The following FHIT variants were observed in gnomAD, a reference collection of about 807,000 sequenced individuals.
The protein encoded by FHIT is bis(5'-adenosyl)-triphosphatase.
A neutral mutation model predicts 17.9 loss-of-function variants in FHIT; 19 were observed. The observed-to-expected ratio is 1.06, with a 90% confidence interval of 0.74 to 1.56. FHIT has a LOEUF of 1.56. FHIT is among the 40% of genes most tolerant of loss of function. The probability of loss-of-function intolerance (pLI) is 0.00; values close to 1 mark genes in which losing one functional copy is unlikely to be tolerated. For synonymous variants in FHIT, 81 were observed against 69.7 expected (o/e 1.16, Z -0.81); for missense variants, 248 against 189.2 (o/e 1.31, Z -1.82).
At chr3:59,972,857 G>A (rs1432573635) in intron 7 of FHIT, among the ~76,000 whole-genome samples, 1 of 152,024 alleles carries the variant, frequency 6.6e-6, no homozygotes, top group African/African-American at 2.4e-5. Flanking sequence ...GTATTTGCTG[G>A]CCCCTACCTA....
chr3:60,021,989 C>T (rs1407597609), intron 5 of FHIT, among the ~76,000 whole-genome samples: 1 of 152,202 alleles, frequency 6.6e-6, no homozygotes, highest in Non-Finnish European at 1.5e-5. Context: ...ATTTACTGTA[C>T]TACTATGCAT....
intron 4 of FHIT, among the ~76,000 whole-genome samples, chr3:60,639,046 A>G (rs2107787775): frequency 6.7e-6 from 1 of 148,572 alleles, no homozygotes; most frequent in South Asian, 2.2e-4. Context: ...TCAGAGCACA[A>G]CCAAGGCATG....
At chr3:59,977,963 T>C (rs908043246) in intron 7 of FHIT, among the ~76,000 whole-genome samples, 7 of 152,182 alleles carry the variant, frequency 4.6e-5, no homozygotes, top group African/African-American at 1.4e-4. Flanking sequence ...CATGAAGTTG[T>C]TTGTGAAGAC....
In FHIT at chr3:59,941,043, G is replaced by A. The variant is rs566545511; in HGVS notation, c.280-18629C>T. On this transcript the variant is annotated intron_variant, in intron 7 of 9. Transcript: ENST00000492590. ...TGTGACTATGACTAGCACTTAGTAG[G>A]CACCCAATAGGTATGTGTTAAATGA... Among the ~76,000 whole-genome samples, 7 of 152,080 alleles carry A rather than the reference G, an allele frequency of 4.6e-5. No individual in the cohort carries two copies. The South Asian group carries it at 1.0e-3, about 23-fold the overall frequency.
chr3:60,880,239 G>GA (rs1486657122), intron 3 of FHIT, among the ~76,000 whole-genome samples: 1 of 152,024 alleles, frequency 6.6e-6, no homozygotes, highest in Non-Finnish European at 1.5e-5. Flanking sequence ...AGTACTGAAG[G>GA]AAAAAAACTG....
At chr3:60,175,335 C>A (rs754947450) in intron 5 of FHIT, among the ~76,000 whole-genome samples, 3 of 152,104 alleles carry the variant, frequency 2.0e-5, no homozygotes, top group Non-Finnish European at 2.9e-5. Flanking sequence ...ATGTGGAATG[C>A]TGAATAGGGT....
chr3:60,113,927 G>A (rs1193393391), intron 5 of FHIT, among the ~76,000 whole-genome samples: 7 of 137,248 alleles, frequency 5.1e-5, no homozygotes, highest in African/African-American at 8.3e-5. Context: ...GCGTGAACCC[G>A]GGAGGCGGAG....
intron 7 of FHIT, among the ~76,000 whole-genome samples, chr3:59,998,958 G>A (rs867471636): frequency 1.6e-4 from 25 of 151,968 alleles, no homozygotes; most frequent in African/African-American, 4.8e-4. Context: ...GCCTCCCTCC[G>A]GCACTTTATT....
chr3:60,650,392 C>T (rs2856077), intron 4 of FHIT, among the ~76,000 whole-genome samples: 13,352 of 152,226 alleles, frequency 0.088, 801 homozygotes, highest in Non-Finnish European at 0.14. Context: ...AAAGCCCAGA[C>T]TAGTCATCAA....
chr3:60,160,992 C>T (rs1042567339), intron 5 of FHIT, among the ~76,000 whole-genome samples: 1 of 152,072 alleles, frequency 6.6e-6, no homozygotes, highest in Non-Finnish European at 1.5e-5. Context: ...TATTCTTACA[C>T]AAGAAACAGT....
intron 4 of FHIT, among the ~76,000 whole-genome samples, chr3:60,553,654 C>G (rs2036646420): frequency 4.0e-5 from 6 of 150,890 alleles, no homozygotes. Context: ...GAGTATTAAA[C>G]ATGGTATCAT....
At chr3:60,470,161 G>A (rs927321821) in intron 5 of FHIT, among the ~76,000 whole-genome samples, 11 of 151,816 alleles carry the variant, frequency 7.2e-5, no homozygotes, top group Non-Finnish European at 1.5e-4. Context: ...GGTCAGAAAT[G>A]AAGCCAGCCT....
At chr3:60,184,765 C>G (rs969826967) in intron 5 of FHIT, among the ~76,000 whole-genome samples, 1 of 152,132 alleles carries the variant, frequency 6.6e-6, no homozygotes, top group Non-Finnish European at 1.5e-5. Context: ...ATCCGGAATT[C>G]TGCTAAACAG....
intron 7 of FHIT, among the ~76,000 whole-genome samples, chr3:59,963,897 TA>T (rs1351172423): frequency 1.3e-5 from 2 of 152,196 alleles, no homozygotes; most frequent in Non-Finnish European, 2.9e-5. Context: ...TGTAAACTAA[TA>T]AACAGATGCA....
intron 4 of FHIT, among the ~76,000 whole-genome samples, chr3:60,685,226 G>A (rs2040835297): frequency 1.3e-5 from 2 of 152,090 alleles, no homozygotes; most frequent in Admixed American, 6.6e-5. Context: ...ATTTCCTTAA[G>A]AGGGCTCTTG....
chr3:60,077,731 T>C (rs4019409), intron 5 of FHIT, among the ~76,000 whole-genome samples: 3,035 of 48,720 alleles, frequency 0.062, 85 homozygotes, highest in African/African-American at 0.21. Flanking sequence ...CACACACACA[T>C]ATATAGAGGG....
intron 5 of FHIT, among the ~76,000 whole-genome samples, chr3:60,359,297 T>G (rs1699803297): frequency 6.7e-6 from 1 of 148,986 alleles, no homozygotes; most frequent in Non-Finnish European, 1.5e-5. Flanking sequence ...TTTTTTTTTT[T>G]TTGAGATGGA....
chr3:60,915,355 C>T lies in FHIT; in HGVS notation c.-110-93344G>A, dbSNP rs1706946362. Reference sequence around the variant, plus strand: ...ACACAGTTCAAAAAATTGCTCTTTACCTTGTTGGGGAAGAAGAGGGCTTAT... The same window carrying T: ...ACACAGTTCAAAAAATTGCTCTTTATCTTGTTGGGGAAGAAGAGGGCTTAT... On this transcript the variant is annotated intron_variant, in intron 3 of 9. Coordinates refer to ENST00000492590, the MANE Select transcript of FHIT (RefSeq NM_002012.4). Among the ~76,000 whole-genome samples the T allele has an allele frequency of 2.6e-5, 4 of 152,122 alleles. 1 individual carries two copies. The highest frequency in any genetic ancestry group is 2.6e-4 in the Admixed American group (4 of 15,274).
At chr3:61,020,258 T>C (rs1378708690) in intron 3 of FHIT, among the ~76,000 whole-genome samples, 1 of 152,266 alleles carries the variant, frequency 6.6e-6, no homozygotes, top group African/African-American at 2.4e-5. Context: ...TATCTCATTG[T>C]AGTTCTGATT....
Sources: gnomAD v4.1 joint callset for allele counts (sites outside exome capture counted in the v4.1 genomes callset) on GRCh38, gnomAD v4.1.1 for gene constraint, MANE v1.5 for transcripts, NCBI Gene and HGNC (gene_info 2026-07-23, HGNC 2026-07-21) for gene names.